The following GDAP1L1 variants were observed in gnomAD, a reference collection of about 807,000 sequenced individuals.
The protein encoded by GDAP1L1 is ganglioside-induced differentiation-associated protein 1-like 1.
Under a neutral mutation model 37.1 loss-of-function variants are expected in GDAP1L1, and 21 were observed. The observed-to-expected ratio is 0.57, with a 90% CI of 0.40 to 0.81. GDAP1L1 has a LOEUF of 0.81. Ranked by LOEUF, GDAP1L1 falls within the 40% of genes least tolerant of loss-of-function variation. The pLI is 0.00. For synonymous variants in GDAP1L1, 193 were observed against 209.1 expected (o/e 0.92, Z 0.67); for missense variants, 362 against 491.6 (o/e 0.74, Z 2.49).
chr20:44,277,517 C>T (rs923794892), intron 5 of GDAP1L1, among the ~76,000 whole-genome samples: 1 of 152,148 alleles, frequency 6.6e-6, no homozygotes, highest in African/African-American at 2.4e-5. Flanking sequence ...TACCTGGGGG[C>T]TGGATCACAC....
At chr20:44,271,933 G>T (rs1240150564) in intron 5 of GDAP1L1, among the ~76,000 whole-genome samples, 4 of 152,238 alleles carry the variant, frequency 2.6e-5, no homozygotes, top group Admixed American at 6.5e-5. Flanking sequence ...CAGGCCTGAA[G>T]TCTTGAGATC....
At chr20:44,268,594 T>G (rs2062480188) in intron 5 of GDAP1L1, among the ~76,000 whole-genome samples, 1 of 152,132 alleles carries the variant, frequency 6.6e-6, no homozygotes, top group South Asian at 2.1e-4. Flanking sequence ...GTGTTAAGAT[T>G]GAGAGTAAAT....
At chr20:44,248,670 A>G (rs1411737654) in intron 1 of GDAP1L1, among the ~76,000 whole-genome samples, 1 of 152,158 alleles carries the variant, frequency 6.6e-6, no homozygotes, top group East Asian at 1.9e-4. Context: ...GACTGGGACT[A>G]CTCAAACTTG....
rs746424697 is a variant in GDAP1L1, at chr20:44,258,534, G to T, written c.474G>T (p.Thr158=). The change falls in exon 3 of 6, where the codon ACG becomes ACT. Residue 158 remains threonine, a synonymous_variant. Coordinates refer to ENST00000342560, the MANE Select transcript of GDAP1L1 (RefSeq NM_024034.6). ...ACGCACTGCCCATGGATGCCTACACGCATGGCTGCATCCTGCATCCCGAGC... is the reference window on the plus strand; with the variant it reads ...ACGCACTGCCCATGGATGCCTACACTCATGGCTGCATCCTGCATCCCGAGC... The part of the protein sequence containing the change: ...LLDALPMDAY[T]HGCILHPELT... 5.1e-6 allele frequency: 8 copies of T among 1,583,576 alleles called. No homozygotes were observed. Among genetic ancestry groups the T allele is most frequent in the East Asian group, 4.7e-5 (2 of 43,010 alleles).
chr20:44,257,597 C>T (rs913669192), intron 2 of GDAP1L1, among the ~76,000 whole-genome samples: 4 of 152,124 alleles, frequency 2.6e-5, no homozygotes, highest in African/African-American at 9.7e-5. Flanking sequence ...AAGGGCATGA[C>T]CCAGACACCC....
intron 5 of GDAP1L1, chr20:44,265,197 A>G: frequency 1.0e-6 from 1 of 985,336 alleles, no homozygotes; most frequent in Non-Finnish European, 1.2e-6. Context: ...ACTCTCGTTG[A>G]CCTTGACTCT....
Position 44,270,331 on chromosome 20 carries a change from C to T in GDAP1L1, c.760+5772C>T, listed in dbSNP as rs868052496. Among the ~76,000 whole-genome samples the T allele has an allele frequency of 1.3e-3, 196 of 151,522 alleles. 1 individual carries two copies. Among genetic ancestry groups the T allele is most frequent in the African/African-American group, 3.6e-3 (149 of 41,306 alleles). On this transcript the variant is annotated intron_variant, in intron 5 of 5. Transcript: ENST00000342560. ...GACTACAGGCGCCCGCCACTACGCC[C>T]GGCTAATTTTTTGTATTTTTAGTAG...
rs1452882554 is a variant in GDAP1L1 at position 44,247,442 on chromosome 20, G to T, written c.108G>T (p.Ala36=). 1.2e-6 allele frequency: 2 copies of T among 1,607,206 alleles called. No homozygotes were observed. Among genetic ancestry groups the T allele is most frequent in the Non-Finnish European group, 1.7e-6 (2 of 1,177,598 alleles). Residue 36 remains alanine, a synonymous_variant, in exon 1 of 6, where the codon GCG becomes GCT. Transcript: ENST00000342560. ...CGGAGGCCCCCGACGCTCCCGAGGC[G>T]GCCAGCCCCGCCCATTGGCCCAGGG... The part of the protein sequence containing the change: ...KPAEAPDAPE[A]ASPAHWPRES...
At chr20:44,275,659 T>C (rs1270211953) in intron 5 of GDAP1L1, among the ~76,000 whole-genome samples, 1 of 152,126 alleles carries the variant, frequency 6.6e-6, no homozygotes, top group Non-Finnish European at 1.5e-5. Context: ...CTAAACTCAC[T>C]CTTGAAAGGG....
In GDAP1L1 at chr20:44,257,244, G is replaced by C. The variant is rs758790831; in HGVS notation, c.272G>C (p.Arg91Pro). Residue 91 changes from arginine (R) to proline (P), a missense_variant, in exon 2 of 6, where the codon CGG becomes CCG. By Grantham distance (103) the Arg-to-Pro change is moderately radical. Around this residue, in one of 2 missense-constraint regions of GDAP1L1, gnomAD observed 277 missense variants for 337.1 expected, o/e 0.82. Transcript: ENST00000342560. ...GAGCACAAGGAGCCCTGGTTCATGC[G>C]GCTCAACCTGGGCGAGGAGGTGCCC... ...QSEHKEPWFM[R>P]LNLGEEVPVI... The C allele has an allele frequency of 6.2e-7, 1 of 1,613,374 alleles. No individual in the cohort carries two copies. The highest frequency in any genetic ancestry group is 8.5e-7 in the Non-Finnish European group (1 of 1,179,800).
chr20:44,271,198 A>G (rs929360404), intron 5 of GDAP1L1, among the ~76,000 whole-genome samples: 3 of 152,186 alleles, frequency 2.0e-5, no homozygotes, highest in East Asian at 3.8e-4. Context: ...TAGGAGGTTG[A>G]GGCTGCAGTG....
intron 5 of GDAP1L1, among the ~76,000 whole-genome samples, chr20:44,267,336 A>T (rs1229670037): frequency 6.6e-6 from 1 of 152,198 alleles, no homozygotes; most frequent in African/African-American, 2.4e-5. Context: ...TAGGTTGGGC[A>T]CAGTGGCTCA....
chr20:44,248,381 A>G (rs1396044002), intron 1 of GDAP1L1, among the ~76,000 whole-genome samples: 1 of 152,266 alleles, frequency 6.6e-6, no homozygotes, highest in African/African-American at 2.4e-5. Context: ...CAGGTCCTGC[A>G]GGGGCCTAAG....
chr20:44,258,741 T>G, intron 3 of GDAP1L1, 134 bp downstream of exon 3: 1 of 665,972 alleles, frequency 1.5e-6, no homozygotes, highest in East Asian at 2.8e-5. Context: ...TCTTGCATTC[T>G]CCATTTGTCC....
intron 3 of GDAP1L1, among the ~76,000 whole-genome samples, chr20:44,262,785 T>C (rs1260611850): frequency 6.6e-6 from 1 of 152,092 alleles, no homozygotes; most frequent in Non-Finnish European, 1.5e-5. Context: ...GGTGCTATCA[T>C]AGCTCACTGC....
chr20:44,258,795 GTC>G (rs976304835), intron 3 of GDAP1L1, among the ~76,000 whole-genome samples, 188 bp downstream of exon 3: 13 of 150,120 alleles, frequency 8.7e-5, no homozygotes, highest in African/African-American at 1.2e-4. Flanking sequence ...CACTCTGCTG[GTC>G]TCTCTCTCTC....
At chr20:44,266,337 C>A (rs890888970) in intron 5 of GDAP1L1, among the ~76,000 whole-genome samples, 13 of 151,574 alleles carry the variant, frequency 8.6e-5, no homozygotes, top group African/African-American at 2.7e-4. Context: ...AAAAAAGGAA[C>A]TTTCCTGTTT....
chr20:44,279,669 G>A lies in GDAP1L1; in HGVS notation c.*369G>A, dbSNP rs1280126087. ...CACCAGGGCCCAGATTCTGGGAGGT[G>A]CTGGGGACTCAGAGGGCCTGACCCC... On this transcript the variant is annotated 3_prime_UTR_variant, in exon 6 of 6. Coordinates refer to ENST00000342560, the MANE Select transcript of GDAP1L1 (RefSeq NM_024034.6). 2.1e-6 allele frequency: 1 copy of A among 479,474 alleles called. No homozygotes were observed. Among genetic ancestry groups the A allele is most frequent in the Non-Finnish European group, 4.3e-6 (1 of 232,834 alleles). 29.7% of individuals were successfully genotyped at this position (479,474 alleles called of 1,614,324 possible).
In GDAP1L1 at chr20:44,279,744, G is replaced by C. The variant is rs8121845; in HGVS notation, c.*444G>C. The C allele has an allele frequency of 2.1e-6, 1 of 472,508 alleles. No individual in the cohort carries two copies. The highest frequency in any genetic ancestry group is 4.4e-6 in the Non-Finnish European group (1 of 227,792). The allele number at this position is 472,508 out of a possible 1,614,324, so 29.3% of individuals were successfully genotyped here. On this transcript the variant is annotated 3_prime_UTR_variant, in exon 6 of 6. Transcript: ENST00000342560. The stretch of plus-strand genomic sequence containing the variant: ...GGGAACTCTTCCACAGGACAAAGCC[G>C]ACATCAAGACTCAACTCCTCTAACC...
Sources: allele counts gnomAD v4.1 joint callset (sites outside exome capture counted in the v4.1 genomes callset), GRCh38; gene constraint gnomAD v4.1.1; regional missense constraint gnomAD v4.1.1; transcripts MANE v1.5; gene names NCBI Gene and HGNC (gene_info 2026-07-23, HGNC 2026-07-21).